Variants in CC2D2A observed in about 807,000 individuals in gnomAD.
CC2D2A encodes coiled-coil and C2 domain containing 2A.
In CC2D2A, 155 loss-of-function variants were observed where a neutral mutation model predicts 212.9. That is an observed-to-expected ratio of 0.73 (90% CI 0.64 to 0.83). CC2D2A has a LOEUF of 0.83. CC2D2A is among the 40% of genes least tolerant of loss of function. The probability of loss-of-function intolerance (pLI) is 0.00; values close to 1 mark genes in which losing one functional copy is unlikely to be tolerated. For missense variants in CC2D2A, 1,856 were observed against 1,956.2 expected, an observed-to-expected ratio of 0.95 and a Z score of 0.97; for synonymous variants, 667 against 686.5, an observed-to-expected ratio of 0.97 and a Z score of 0.44.
Position 15,516,712 on chromosome 4 carries a change from C to T in CC2D2A, c.1105C>T (p.Gln369Ter), listed in dbSNP as rs1716895762. 1.2e-6 allele frequency: 2 copies of T among 1,613,346 alleles called. No individual in the cohort carries two copies. Among genetic ancestry groups the T allele is most frequent in the South Asian group, 1.1e-5 (1 of 90,954 alleles). Residue 369 changes from glutamine to a stop codon, truncating the protein, a stop_gained, in exon 11 of 37, where the codon CAG becomes TAG. Transcript: ENST00000424120. LOFTEE classifies it high-confidence loss of function. ...PFPSRPPVLT[Q>*]EQSIKAELET... is the part of the protein sequence containing the mutation. ...TCCTTCAAGGCCGCCAGTACTAACA[C>T]AGGAGCAGAGCATTAAGGCAGAGCT...
chr4:15,512,271 T>C (rs1034034203), intron 8 of CC2D2A, among the ~76,000 whole-genome samples: 4 of 152,222 alleles, frequency 2.6e-5, no homozygotes, highest in Non-Finnish European at 5.9e-5. Flanking sequence ...CCGATGTTCA[T>C]AGCAGCATTA....
At chr4:15,507,643 G>A (rs779406069) in intron 6 of CC2D2A, among the ~76,000 whole-genome samples, 3 of 152,204 alleles carry the variant, frequency 2.0e-5, no homozygotes, top group Non-Finnish European at 4.4e-5. Flanking sequence ...ACATTTATTA[G>A]TGTGCAAGGA....
chr4:15,569,820 C>T (rs1200668855), intron 27 of CC2D2A, among the ~76,000 whole-genome samples: 1 of 152,148 alleles, frequency 6.6e-6, no homozygotes, highest in Non-Finnish European at 1.5e-5. Context: ...ACCGGGATAT[C>T]AGGACACTCC....
At chr4:15,530,806 C>T (rs1367816948) in intron 13 of CC2D2A, among the ~76,000 whole-genome samples, 7 of 151,994 alleles carry the variant, frequency 4.6e-5, no homozygotes, top group Non-Finnish European at 5.9e-5. Context: ...CAGCCACCCC[C>T]GAGAACTCCC....
chr4:15,505,486 C>A lies in CC2D2A; in HGVS notation c.438+2563C>A, dbSNP rs137951674. ...AGCACTTATGAGAAACTCCTTCCTG[C>A]CAGGTGTCCGATAGGCTCAGAACAC... is the stretch of plus-strand genomic sequence containing the variant. On this transcript the variant is annotated intron_variant, in intron 6 of 36. Coordinates refer to ENST00000424120, the MANE Select transcript of CC2D2A (RefSeq NM_001378615.1). Among the ~76,000 whole-genome samples, 948 of 152,242 alleles carry A rather than the reference C, an allele frequency of 6.2e-3. 5 individuals carry two copies. Among genetic ancestry groups the A allele is most frequent in the Non-Finnish European group, 8.8e-3 (596 of 68,022 alleles).
At chr4:15,489,203 G>A (rs1475432722) in intron 4 of CC2D2A, among the ~76,000 whole-genome samples, 1 of 152,156 alleles carries the variant, frequency 6.6e-6, no homozygotes, top group African/African-American at 2.4e-5. Flanking sequence ...CAAATGAAAG[G>A]AAATAAAGTG....
At chr4:15,573,036 A>G (rs1335170689) in intron 28 of CC2D2A, among the ~76,000 whole-genome samples, 1 of 152,148 alleles carries the variant, frequency 6.6e-6, no homozygotes, top group Non-Finnish European at 1.5e-5. Flanking sequence ...CTGGCAGCTG[A>G]TCAGATGGTG....
Position 15,480,827 on chromosome 4 carries a change from A to G in CC2D2A, c.247A>G (p.Ser83Gly), listed in dbSNP as rs1342007847. The part of the protein sequence containing the change: ...LSMTVRRGPR[S>G]LPPIPSTSRT... The stretch of plus-strand genomic sequence containing the variant: ...TATGACAGTCCGGAGAGGCCCACGG[A>G]GTAAGTGCCCCTCTTCCATTCAGCT... Residue 83 changes from serine to glycine, a missense_variant and splice_region_variant, in exon 4 of 37, where the codon AGC becomes GGC. By Grantham distance (56) the Ser-to-Gly change is moderately conservative. Around this residue, in one of 5 missense-constraint regions of CC2D2A, gnomAD observed 1,512 missense variants for 1,579.3 expected, o/e 0.96. Coordinates refer to ENST00000424120, the MANE Select transcript of CC2D2A (RefSeq NM_001378615.1). 1 of 1,610,624 alleles carries G rather than the reference A, an allele frequency of 6.2e-7. No individual in the cohort carries two copies. The highest frequency in any genetic ancestry group is 1.3e-5 in the African/African-American group (1 of 74,748).
At chr4:15,541,437 A>G (rs1465483997) in intron 17 of CC2D2A, among the ~76,000 whole-genome samples, 1 of 152,136 alleles carries the variant, frequency 6.6e-6, no homozygotes, top group African/African-American at 2.4e-5. Flanking sequence ...GTCTCGATAG[A>G]GTCTCAAGCC....
Position 15,546,506 on chromosome 4 carries a change from T to C in CC2D2A, c.2182-4318T>C, listed in dbSNP as rs528538584. Among the ~76,000 whole-genome samples the C allele has an allele frequency of 9.2e-5, 14 of 152,336 alleles. No individual in the cohort carries two copies. In the South Asian group the frequency reaches 2.1e-3, roughly 23 times the overall value. ...TAACCTACTTGGTGATGGCCCAGCT[T>C]TCTCTTCTCAGGGCCTTTCCTAATT... On this transcript the variant is annotated intron_variant, in intron 17 of 36. Transcript: ENST00000424120.
chr4:15,514,739 C>G lies in CC2D2A; in HGVS notation c.750C>G (p.Ala250=), dbSNP rs200765238. The G allele has an allele frequency of 3.7e-6, 6 of 1,602,040 alleles. No homozygotes were observed. Among genetic ancestry groups the G allele is most frequent in the Non-Finnish European group, 5.1e-6 (6 of 1,171,528 alleles). ...AAGAACTGCTTAATGGTGATGATGC[C>G]GAGGACTTCCTATTGGGCTTAGATC... ...DEEELLNGDD[A]EDFLLGLDHV... The change falls in exon 9 of 37, where the codon GCC becomes GCG. Residue 250 remains alanine, a synonymous_variant. Coordinates refer to ENST00000424120, the MANE Select transcript of CC2D2A (RefSeq NM_001378615.1).
chr4:15,588,586 G>A (rs774783983), intron 32 of CC2D2A, among the ~76,000 whole-genome samples: 59 of 152,304 alleles, frequency 3.9e-4, no homozygotes, highest in Non-Finnish European at 7.5e-4. Context: ...GGAATCCTTG[G>A]AAATTCGATA....
chr4:15,576,895 CTT>C (rs1238673957), intron 29 of CC2D2A, among the ~76,000 whole-genome samples: 4 of 152,238 alleles, frequency 2.6e-5, no homozygotes, highest in African/African-American at 9.6e-5. Context: ...TAGCTCTACT[CTT>C]TGCAAATCTA....
intron 29 of CC2D2A, among the ~76,000 whole-genome samples, chr4:15,575,634 A>G (rs1720372163): frequency 6.6e-6 from 1 of 152,174 alleles, no homozygotes; most frequent in Non-Finnish European, 1.5e-5. Context: ...TATCATCACT[A>G]TCTCCCATCT....
chr4:15,527,343 T>A, intron 11 of CC2D2A, 104 bp from the exon 12 acceptor site: 1 of 771,018 alleles, frequency 1.3e-6, no homozygotes, highest in Non-Finnish European at 2.1e-6. Context: ...TAGTCCAGGA[T>A]AGGAGGTATT....
At chr4:15,532,583 A>G (rs1233674870) in intron 13 of CC2D2A, among the ~76,000 whole-genome samples, 2 of 152,264 alleles carry the variant, frequency 1.3e-5, no homozygotes, top group Non-Finnish European at 2.9e-5. Context: ...CACTTGTTCA[A>G]AAATTTAGTA....
intron 17 of CC2D2A, among the ~76,000 whole-genome samples, chr4:15,544,528 A>G (rs1338120828): frequency 6.6e-6 from 1 of 152,192 alleles, no homozygotes; most frequent in African/African-American, 2.4e-5. Context: ...ACCCACTGGC[A>G]GACTCAGAAA....
chr4:15,504,251 C>G (rs1486096340), intron 6 of CC2D2A, among the ~76,000 whole-genome samples: 1 of 152,164 alleles, frequency 6.6e-6, no homozygotes, highest in Non-Finnish European at 1.5e-5. Context: ...AGTAGGAACA[C>G]TAGTCAGTCC....
intron 23 of CC2D2A, among the ~76,000 whole-genome samples, chr4:15,561,219 G>T (rs1203056409): frequency 6.6e-6 from 1 of 152,222 alleles, no homozygotes; most frequent in Non-Finnish European, 1.5e-5. Flanking sequence ...TCAACTAGGG[G>T]TGTGGATATA....
Sources: gnomAD v4.1 joint callset for allele counts (sites outside exome capture counted in the v4.1 genomes callset) on GRCh38, gnomAD v4.1.1 for gene constraint, gnomAD v4.1.1 regional missense constraint, MANE v1.5 for transcripts, NCBI Gene and HGNC (gene_info 2026-07-23, HGNC 2026-07-21) for gene names.